Variants in AUTS2 observed in about 807,000 individuals in gnomAD.
AUTS2 encodes the protein autism susceptibility gene 2 protein.
In AUTS2, 17 loss-of-function variants were observed where a neutral mutation model predicts 112.4. That is an observed-to-expected ratio of 0.15 (90% CI 0.10 to 0.23). AUTS2 has a LOEUF of 0.23. Among genes scored for constraint, AUTS2 ranks in the 10% least tolerant of loss-of-function variants. AUTS2 has a pLI of 1.00. For synonymous variants in AUTS2, 751 were observed against 702.7 expected, an observed-to-expected ratio of 1.07 and a Z score of -1.09; for missense variants, 1,510 against 1,701.6, an observed-to-expected ratio of 0.89 and a Z score of 1.98.
chr7:70,664,486 T>G (rs1282491657), intron 5 of AUTS2, among the ~76,000 whole-genome samples: 1 of 152,252 alleles, frequency 6.6e-6, no homozygotes, highest in Non-Finnish European at 1.5e-5. Context: ...AGCTTTCACA[T>G]GTAAAGATGG....
At chr7:70,319,895 C>A (rs772435317) in intron 4 of AUTS2, among the ~76,000 whole-genome samples, 1 of 152,026 alleles carries the variant, frequency 6.6e-6, no homozygotes, top group Non-Finnish European at 1.5e-5. Context: ...CAAAAGAATA[C>A]GTAAATGAAT....
chr7:70,409,175 T>A (rs1238701696), intron 4 of AUTS2, among the ~76,000 whole-genome samples: 1 of 152,178 alleles, frequency 6.6e-6, no homozygotes, highest in Non-Finnish European at 1.5e-5. Flanking sequence ...TGGAAAAGAT[T>A]TATCACTAAG....
chr7:70,524,685 C>G (rs997098768), intron 5 of AUTS2, among the ~76,000 whole-genome samples: 4 of 152,174 alleles, frequency 2.6e-5, no homozygotes, highest in African/African-American at 9.7e-5. Flanking sequence ...GACTATTACT[C>G]CAGTTCATTA....
intron 4 of AUTS2, among the ~76,000 whole-genome samples, chr7:70,232,523 A>T (rs1327631472): frequency 4.6e-5 from 7 of 151,528 alleles, no homozygotes; most frequent in African/African-American, 1.7e-4. Flanking sequence ...CGAACCTCAG[A>T]CTCCCCAGTA....
At chr7:69,883,552 T>G (rs1242958159) in intron 1 of AUTS2, among the ~76,000 whole-genome samples, 1 of 152,186 alleles carries the variant, frequency 6.6e-6, no homozygotes, top group African/African-American at 2.4e-5. Flanking sequence ...ATCACCAGAA[T>G]CTGCTGGTCA....
intron 5 of AUTS2, among the ~76,000 whole-genome samples, chr7:70,669,681 GAGTT>G (rs1407992386): frequency 1.3e-5 from 2 of 152,242 alleles, no homozygotes; most frequent in African/African-American, 4.8e-5. Flanking sequence ...GTCACAATCA[GAGTT>G]AGTCCATTTC....
At chr7:70,758,676 AT>A (rs1789374679) in intron 6 of AUTS2, among the ~76,000 whole-genome samples, 1 of 152,246 alleles carries the variant, frequency 6.6e-6, no homozygotes, top group South Asian at 2.1e-4. Flanking sequence ...CAATTTGTAC[AT>A]TCTTATGTCT....
At chr7:70,610,618 A>T (rs1235907716) in intron 5 of AUTS2, among the ~76,000 whole-genome samples, 1 of 151,524 alleles carries the variant, frequency 6.6e-6, no homozygotes, top group African/African-American at 2.4e-5. Context: ...TTTAATTTTT[A>T]TATAGAGACC....
chr7:69,864,527 A>C (rs1011544268), intron 1 of AUTS2, among the ~76,000 whole-genome samples: 1 of 152,230 alleles, frequency 6.6e-6, no homozygotes, highest in African/African-American at 2.4e-5. Context: ...TCTTGCAGCC[A>C]TGATGCTTGC....
chr7:69,805,459 A>C (rs1289394854), intron 1 of AUTS2, among the ~76,000 whole-genome samples: 1 of 152,226 alleles, frequency 6.6e-6, no homozygotes, highest in East Asian at 1.9e-4. Flanking sequence ...TGAAGAATGA[A>C]AGAGGCTTCA....
intron 4 of AUTS2, among the ~76,000 whole-genome samples, chr7:70,281,978 A>T (rs1339432243): frequency 6.6e-6 from 1 of 152,200 alleles, no homozygotes; most frequent in African/African-American, 2.4e-5. Flanking sequence ...AGAGCATAAC[A>T]TGCATTGTTA....
intron 1 of AUTS2, among the ~76,000 whole-genome samples, chr7:69,681,126 A>G (rs939515277): frequency 1.3e-5 from 2 of 151,822 alleles, no homozygotes; most frequent in African/African-American, 2.4e-5. Flanking sequence ...TTGAATGTAT[A>G]TACCACATTT....
intron 4 of AUTS2, among the ~76,000 whole-genome samples, chr7:70,353,426 C>G (rs1049742069): frequency 1.3e-5 from 2 of 152,086 alleles, no homozygotes; most frequent in Non-Finnish European, 2.9e-5. Context: ...GCATTTTACT[C>G]AAGAGAAGAT....
At chr7:70,209,818 A>G (rs887450243) in intron 4 of AUTS2, among the ~76,000 whole-genome samples, 1 of 152,162 alleles carries the variant, frequency 6.6e-6, no homozygotes. Context: ...GGTGTTTCTT[A>G]TAGTTGGTCT....
At chr7:70,350,173 A>G (rs1791682723) in intron 4 of AUTS2, among the ~76,000 whole-genome samples, 1 of 152,224 alleles carries the variant, frequency 6.6e-6, no homozygotes, top group African/African-American at 2.4e-5. Flanking sequence ...GTAGATGAAG[A>G]GTGGATGGAG....
intron 4 of AUTS2, among the ~76,000 whole-genome samples, chr7:70,342,835 G>T (rs1447004857): frequency 6.6e-6 from 1 of 152,138 alleles, no homozygotes; most frequent in Non-Finnish European, 1.5e-5. Context: ...AGTGCTGTCT[G>T]GAGTTTGACA....
chr7:69,623,268 G>T (rs1793759155), intron 1 of AUTS2, among the ~76,000 whole-genome samples: 1 of 152,034 alleles, frequency 6.6e-6, no homozygotes, highest in Non-Finnish European at 1.5e-5. Context: ...TGTCACCCAG[G>T]CTGGAATGTA....
chr7:70,220,924 A>G (rs947042464), intron 4 of AUTS2, among the ~76,000 whole-genome samples: 2 of 152,090 alleles, frequency 1.3e-5, no homozygotes, highest in African/African-American at 2.4e-5. Flanking sequence ...GTTTTATTGT[A>G]TATCTATCCT....
intron 5 of AUTS2, among the ~76,000 whole-genome samples, chr7:70,588,230 G>A (rs1250239288): frequency 6.6e-6 from 1 of 152,170 alleles, no homozygotes; most frequent in Non-Finnish European, 1.5e-5. Context: ...AAAGAAATCG[G>A]TGTGGTGCCA....
Sources: gnomAD v4.1 joint callset for allele counts (sites outside exome capture counted in the v4.1 genomes callset) on GRCh38, gnomAD v4.1.1 for gene constraint, MANE v1.5 for transcripts, NCBI Gene and HGNC (gene_info 2026-07-23, HGNC 2026-07-21) for gene names.